The following AGAP2 variants were observed in gnomAD, a reference collection of about 807,000 sequenced individuals.
The protein encoded by AGAP2 is ArfGAP with GTPase domain, ankyrin repeat and PH domain 2.
AGAP2 carries 32 observed loss-of-function variants against 110.9 expected under a neutral mutation model. The observed-to-expected ratio is 0.29, with a 90% confidence interval of 0.22 to 0.39. AGAP2 has a LOEUF of 0.39. Ranked by LOEUF, AGAP2 falls within the 10% of genes least tolerant of loss-of-function variation. The pLI, the probability that AGAP2 is intolerant of heterozygous loss-of-function variation, is 1.00. For missense variants in AGAP2, 1,285 were observed against 1,638.5 expected (o/e 0.78, Z 3.72); for synonymous variants, 702 against 713.0 (o/e 0.98, Z 0.25).
Position 57,738,219 on chromosome 12 carries a change from G to A in AGAP2, c.28C>T (p.Arg10Cys). The part of the protein sequence containing the change: MSRGAGALQ[R>C]RTTTYLISLT... Reference sequence around the variant, plus strand: ...GAGATGAGGTAGGTCGTTGTCCGGCGCTGAAGCGCGCCCGCGCCCCGGCTC... The same window carrying A: ...GAGATGAGGTAGGTCGTTGTCCGGCACTGAAGCGCGCCCGCGCCCCGGCTC... The change falls in exon 1 of 19, where the codon CGC (arginine) becomes TGC (cysteine). Residue 10 changes from arginine to cysteine, a missense_variant. By Grantham distance (180) the Arg-to-Cys change is radical. Coordinates refer to ENST00000547588, the MANE Select transcript of AGAP2 (RefSeq NM_001122772.3). The surrounding 1 kb of genome is among the most constrained non-coding windows in gnomAD (Gnocchi z 6.7). 6.6e-7 allele frequency: 1 copy of A among 1,521,198 alleles called. No individual in the cohort carries two copies. Among genetic ancestry groups the A allele is most frequent in the Non-Finnish European group, 8.8e-7 (1 of 1,139,622 alleles). The allele number at this position is 1,521,198 out of a possible 1,614,324, so 94.2% of individuals were successfully genotyped here. A position where few individuals can be genotyped will look rare whatever the true frequency, so the allele number is the denominator to read the frequency against.
rs1955031546 is a variant in AGAP2, at chr12:57,738,348, G to A, written c.-102C>T. 7.9e-7 allele frequency: 1 copy of A among 1,260,388 alleles called. No homozygotes were observed. The highest frequency in any genetic ancestry group is 1.0e-6 in the Non-Finnish European group (1 of 996,448). The allele number at this position is 1,260,388 out of a possible 1,614,324, so 78.1% of individuals were successfully genotyped here. A position where few individuals can be genotyped will look rare whatever the true frequency, so the allele number is the denominator to read the frequency against. ...GCCCTGCTCGCTGCCCCCAGCCCCCGGACCCCGCTGAGCCCCCGGCCCGGC... is the reference window on the plus strand; with the variant it reads ...GCCCTGCTCGCTGCCCCCAGCCCCCAGACCCCGCTGAGCCCCCGGCCCGGC... On this transcript the variant is annotated 5_prime_UTR_variant, in exon 1 of 19. Transcript: ENST00000547588. The surrounding 1 kb of genome is among the most constrained non-coding windows in gnomAD (Gnocchi z 6.7).
Position 57,727,222 on chromosome 12 carries a change from G to A in AGAP2, c.3088C>T (p.Arg1030Cys). 6.2e-7 allele frequency: 1 copy of A among 1,612,354 alleles called. No homozygotes were observed. Among genetic ancestry groups the A allele is most frequent in the Non-Finnish European group, 8.5e-7 (1 of 1,179,788 alleles). The change falls in exon 18 of 19, where the codon CGC (arginine) becomes TGC (cysteine). Residue 1030 changes from arginine (R) to cysteine (C), a missense_variant. Transcript: ENST00000547588. ...TACTTGGCGCGAATCCACGACTCGC[G>A]CTCCTCCCTGCAAGACCAGGGATCA... ...KPSRDSSREE[R>C]ESWIRAKYEQ... is the part of the protein sequence containing the mutation.
In AGAP2 at chr12:57,727,586, C is replaced by T; in HGVS notation, c.2858-4G>A. ...TTCAAGCTGGCCCACGTGGGGTCTGCGGAAGGAGCGTAGAGGTCGGCTCCC... is the reference window on the plus strand; with the variant it reads ...TTCAAGCTGGCCCACGTGGGGTCTGTGGAAGGAGCGTAGAGGTCGGCTCCC... On this transcript the variant is annotated splice_polypyrimidine_tract_variant and splice_region_variant and intron_variant, in intron 16 of 18. Transcript: ENST00000547588. 6.2e-7 allele frequency: 1 copy of T among 1,600,236 alleles called. No individual in the cohort carries two copies. Among genetic ancestry groups the T allele is most frequent in the Non-Finnish European group, 8.5e-7 (1 of 1,175,664 alleles).
Position 57,738,214 on chromosome 12 carries a change from C to A in AGAP2, c.33G>T (p.Arg11=), listed in dbSNP as rs768132466. 2.0e-6 allele frequency: 3 copies of A among 1,523,932 alleles called. No individual in the cohort carries two copies. The South Asian group carries it at 3.6e-5, about 18-fold the overall frequency. The allele number at this position is 1,523,932 out of a possible 1,614,324, so 94.4% of individuals were successfully genotyped here. A position where few individuals can be genotyped will look rare whatever the true frequency, so the allele number is the denominator to read the frequency against. ...TCAGCGAGATGAGGTAGGTCGTTGT[C>A]CGGCGCTGAAGCGCGCCCGCGCCCC... MSRGAGALQR[R]TTTYLISLTL... is the part of the protein sequence containing the mutation. The change falls in exon 1 of 19, where the codon CGG becomes CGT. Residue 11 remains arginine, a synonymous_variant. Coordinates refer to ENST00000547588, the MANE Select transcript of AGAP2 (RefSeq NM_001122772.3). This position sits in a 1 kb window ranked among gnomAD's most constrained non-coding sequence, Gnocchi z 6.7.
intron 14 of AGAP2, 114 bp from the exon 15 acceptor site, chr12:57,728,199 G>C (rs776353790): frequency 6.6e-7 from 1 of 1,515,442 alleles, no homozygotes; most frequent in East Asian, 2.3e-5. Flanking sequence ...GGGCAGTGGG[G>C]GTAGGGAAAG....
Position 57,730,568 on chromosome 12 carries a change from C to T in AGAP2, c.2355G>A (p.Leu785=). ...TGGATGTCTGATCTGGTGGTGGCTG[C>T]AGGGAACTGGGGCTGGGGCTAGGGC... ...MPSPSPSPSS[L]QPPPDQTSKH... Residue 785 remains leucine (L), a synonymous_variant, in exon 12 of 19, where the codon CTG becomes CTA. Transcript: ENST00000547588. The T allele has an allele frequency of 6.2e-7, 1 of 1,614,138 alleles. No homozygotes were observed. Among genetic ancestry groups the T allele is most frequent in the South Asian group, 1.1e-5 (1 of 91,068 alleles).
intron 2 of AGAP2, 35 bp downstream of exon 2, chr12:57,735,334 G>A (rs750623915): frequency 1.2e-6 from 2 of 1,601,804 alleles, no homozygotes; most frequent in Admixed American, 1.7e-5. Context: ...TGGGAGGTCA[G>A]CCTTCCCTAT....
chr12:57,734,261 C>T, intron 4 of AGAP2, 58 bp downstream of exon 4: 1 of 1,613,108 alleles, frequency 6.2e-7, no homozygotes, highest in Non-Finnish European at 8.5e-7. Context: ...AACCAGAGCC[C>T]TCTCCTTTGG....
chr12:57,737,957 G>A lies in AGAP2; in HGVS notation c.290C>T (p.Pro97Leu). 7.1e-7 allele frequency: 1 copy of A among 1,403,732 alleles called. No homozygotes were observed. The highest frequency in any genetic ancestry group is 9.2e-7 in the Non-Finnish European group (1 of 1,089,198). The allele number at this position is 1,403,732 out of a possible 1,614,324, so 87.0% of individuals were successfully genotyped here. A position where few individuals can be genotyped will look rare whatever the true frequency, so the allele number is the denominator to read the frequency against. The change falls in exon 1 of 19, where the codon CCG becomes CTG. Residue 97 changes from proline (P) to leucine (L), a missense_variant. Coordinates refer to ENST00000547588, the MANE Select transcript of AGAP2 (RefSeq NM_001122772.3). The surrounding 1 kb of genome is among the most constrained non-coding windows in gnomAD (Gnocchi z 5.9). ...GGAGACTGGGCGGGCCGGACTGGCC[G>A]GAGCCGGGGACAGGGCTGGGGGCTC... The part of the protein sequence containing the change: ...GAEPPALSPA[P>L]ASPARPVSPA...
chr12:57,739,002 C>T (rs1955043532), upstream of AGAP2, among the ~76,000 whole-genome samples: 1 of 137,918 alleles, frequency 7.3e-6, no homozygotes, highest in Non-Finnish European at 1.6e-5. Flanking sequence ...CACCCTATCT[C>T]CCCCCCACCT....
rs1484189851 is a variant in AGAP2 at position 57,726,792 on chromosome 12, G to A, written c.3339C>T (p.Tyr1113=). 3 of 1,420,792 alleles carry A rather than the reference G, an allele frequency of 2.1e-6. No homozygotes were observed. The highest frequency in any genetic ancestry group is 2.7e-6 in the Non-Finnish European group (3 of 1,092,186). 88.0% of individuals were successfully genotyped at this position (1,420,792 alleles called of 1,614,324 possible). The change falls in exon 19 of 19, where the codon TAC becomes TAT. Residue 1113 remains tyrosine (Y), a splice_region_variant and synonymous_variant. Transcript: ENST00000547588. This position sits in a 1 kb window ranked among gnomAD's most constrained non-coding sequence, Gnocchi z 5.7. ...CGTCACGGGCCGCCACGTCCGCGCC[G>A]TACTAGAGGGCGGAAACGGCCGCGT... The part of the protein sequence containing the change: ...HVVITQLLLW[Y]GADVAARDAQ...
intron 1 of AGAP2, 95 bp from the exon 2 acceptor site, chr12:57,735,522 C>CA (rs1555199452): frequency 1.2e-5 from 14 of 1,157,866 alleles, no homozygotes; most frequent in Middle Eastern, 5.4e-4. Flanking sequence ...CTTTCCAACC[C>CA]CCCCCCAACC....
Position 57,727,347 on chromosome 12 carries a change from C to G in AGAP2, c.3080+13G>C, listed in dbSNP as rs1413852339. 6.2e-7 allele frequency: 1 copy of G among 1,607,432 alleles called. No individual in the cohort carries two copies. The highest frequency in any genetic ancestry group is 1.7e-5 in the Admixed American group (1 of 58,692). On this transcript the variant is annotated intron_variant, in intron 17 of 18. Coordinates refer to ENST00000547588, the MANE Select transcript of AGAP2 (RefSeq NM_001122772.3). Reference sequence around the variant, plus strand: ...TCAGCAACCCTCCCCCCGCTCTGTTCCCTCACGCTTACCGCGAAGAGTCCC... The same window carrying G: ...TCAGCAACCCTCCCCCCGCTCTGTTGCCTCACGCTTACCGCGAAGAGTCCC...
intron 7 of AGAP2, 90 bp from the exon 8 acceptor site, chr12:57,732,057 T>G (rs1954897315): frequency 7.1e-7 from 1 of 1,406,710 alleles, no homozygotes; most frequent in African/African-American, 1.4e-5. Context: ...TTTGAGACAT[T>G]CCTTGATCAC....
chr12:57,740,389 G>A (rs1955063221), upstream of AGAP2, among the ~76,000 whole-genome samples: 1 of 152,150 alleles, frequency 6.6e-6, no homozygotes, highest in Non-Finnish European at 1.5e-5. Flanking sequence ...TTGATGGAGA[G>A]GGTGAAGGAG....
At position 57,732,462 on chromosome 12, in the gene AGAP2, A is replaced by T; in HGVS notation, c.1735T>A (p.Cys579Ser). The T allele has an allele frequency of 6.3e-7, 1 of 1,597,740 alleles. No individual in the cohort carries two copies. Among genetic ancestry groups the T allele is most frequent in the South Asian group, 1.1e-5 (1 of 88,648 alleles). ...LRKQQQLLAA[C>S]KSLPSSPSHS... is the part of the protein sequence containing the mutation. ...CTTGGGGAGCTGGGCAGGGACTTGC[A>T]GGCAGCCAGAAGCTGTTGCTGCTTG... The change falls in exon 7 of 19, where the codon TGC (cysteine) becomes AGC (serine). Residue 579 changes from cysteine to serine, a missense_variant. Coordinates refer to ENST00000547588, the MANE Select transcript of AGAP2 (RefSeq NM_001122772.3).
At chr12:57,732,098 T>A in intron 7 of AGAP2, 131 bp from the exon 8 acceptor site, 1 of 1,124,394 alleles carries the variant, frequency 8.9e-7, no homozygotes, top group Non-Finnish European at 1.2e-6. Context: ...TCATTAATAA[T>A]TTTTAAAATC....
At position 57,731,872 on chromosome 12, in the gene AGAP2, C is replaced by T. The variant is rs746059539; in HGVS notation, c.1890G>A (p.Val630=). 5 of 1,608,954 alleles carry T rather than the reference C, an allele frequency of 3.1e-6. No individual in the cohort carries two copies. In the Admixed American group the frequency reaches 8.4e-5, roughly 27 times the overall value. Residue 630 remains valine (V), a synonymous_variant, in exon 8 of 19, where the codon GTG becomes GTA. Transcript: ENST00000547588. ...GGGACCCTGGGGTGCTCAATCCAGC[C>T]ACTGCAGCTGCCTCGGCTCGGAGCT... The part of the protein sequence containing the change: ...HRELRAEAAA[V]AGLSTPGSLH...
Position 57,726,602 on chromosome 12 carries a change from T to G in AGAP2, c.3529A>C (p.Ser1177Arg). ...ITATPSPRRR[S>R]SAASVGRADA... is the part of the protein sequence containing the mutation. Reference sequence around the variant, plus strand: ...GCGCGGCCCACGCTAGCGGCGCTGCTCCGGCGGCGGGGGCTGGGCGTGGCG... The same window carrying G: ...GCGCGGCCCACGCTAGCGGCGCTGCGCCGGCGGCGGGGGCTGGGCGTGGCG... Residue 1177 changes from serine (S) to arginine (R), a missense_variant, in exon 19 of 19, where the codon AGC becomes CGC. This residue lies in a region of AGAP2 where 201 missense variants were observed against 276.1 expected (regional missense o/e 0.73). Coordinates refer to ENST00000547588, the MANE Select transcript of AGAP2 (RefSeq NM_001122772.3). This position sits in a 1 kb window ranked among gnomAD's most constrained non-coding sequence, Gnocchi z 5.7. The G allele has an allele frequency of 8.3e-7, 1 of 1,202,226 alleles. No homozygotes were observed. The highest frequency in any genetic ancestry group is 1.0e-6 in the Non-Finnish European group (1 of 968,808). 74.5% of individuals were successfully genotyped at this position (1,202,226 alleles called of 1,614,324 possible).
Sources: allele counts gnomAD v4.1 joint callset (sites outside exome capture counted in the v4.1 genomes callset), GRCh38; gene constraint gnomAD v4.1.1; regional missense constraint gnomAD v4.1.1; non-coding constraint Gnocchi (gnomAD v3.1); transcripts MANE v1.5; gene names NCBI Gene and HGNC (gene_info 2026-07-23, HGNC 2026-07-21).